SLC2A5: variants seen among roughly 807,000 people sequenced by gnomAD.
The protein encoded by SLC2A5 is solute carrier family 2, facilitated glucose transporter member 5.
A neutral mutation model predicts 50.3 loss-of-function variants in SLC2A5; 56 were observed. That is an observed-to-expected ratio of 1.11 (90% CI 0.90 to 1.39). SLC2A5 has a LOEUF of 1.39. SLC2A5 is among the 40% of genes most tolerant of loss of function. SLC2A5 has a pLI of 0.00. For synonymous variants in SLC2A5, 269 were observed against 281.9 expected, an observed-to-expected ratio of 0.95 and a Z score of 0.46; for missense variants, 566 against 650.1, an observed-to-expected ratio of 0.87 and a Z score of 1.41.
In SLC2A5 at chr1:9,037,173, A is replaced by G. The variant is rs1331720478; in HGVS notation, c.*413T>C. On this transcript the variant is annotated 3_prime_UTR_variant, in exon 12 of 12. Coordinates refer to ENST00000377424, the MANE Select transcript of SLC2A5 (RefSeq NM_003039.3). ...TCTAAACAAATGCCCATGGCCCCGG[A>G]AGACCTGTCGGGGCCACCAAGTTAG... The G allele has an allele frequency of 4.8e-6, 1 of 206,872 alleles. No homozygotes were observed. Among genetic ancestry groups the G allele is most frequent in the Non-Finnish European group, 9.8e-6 (1 of 101,524 alleles). 12.8% of individuals were successfully genotyped at this position (206,872 alleles called of 1,614,324 possible).
In SLC2A5 at chr1:9,075,880, C is replaced by T. The variant is rs189181756; in HGVS notation, c.-58-6286G>A. 3.4e-3 allele frequency among the ~76,000 whole-genome samples: 513 copies of T among 152,126 alleles called. 3 individuals are homozygous for T. Among genetic ancestry groups the T allele is most frequent in the African/African-American group, 0.012 (496 of 41,478 alleles). ...TTCACCATGTTGGTCAAGCTGGTCT[C>T]GAACTCCTGACCTGAGGTGATCCAC... On this transcript the variant is annotated intron_variant, in intron 2 of 5. Coordinates refer to the SLC2A5 transcript ENST00000464985.
intron 1 of SLC2A5, among the ~76,000 whole-genome samples, chr1:9,062,001 C>T (rs765357825): frequency 1.3e-5 from 2 of 152,184 alleles, no homozygotes; most frequent in Non-Finnish European, 2.9e-5. Context: ...TCACTGCCTC[C>T]CTGAATTCAA....
upstream of SLC2A5, among the ~76,000 whole-genome samples, chr1:9,070,699 T>C (rs1385793805): frequency 6.6e-6 from 1 of 152,146 alleles, no homozygotes; most frequent in African/African-American, 2.4e-5. Flanking sequence ...GTTACTTTAG[T>C]GATTGATTCT....
At chr1:9,081,633 G>C (rs1054822129) in intron 2 of SLC2A5, among the ~76,000 whole-genome samples, 8 of 152,090 alleles carry the variant, frequency 5.3e-5, no homozygotes, top group Non-Finnish European at 8.8e-5. Flanking sequence ...CACTTGAATA[G>C]ATTATTTTCT....
intron 9 of SLC2A5, 72 bp from the exon 10 acceptor site, chr1:9,038,578 G>C (rs1641201984): frequency 7.3e-7 from 1 of 1,372,616 alleles, no homozygotes; most frequent in Non-Finnish European, 1.0e-6. Flanking sequence ...CGGCCAACCT[G>C]CCCTGGTGGG....
intron 3 of SLC2A5, among the ~76,000 whole-genome samples, chr1:9,055,558 C>A (rs796472944): frequency 1.8e-4 from 27 of 151,548 alleles, no homozygotes; most frequent in African/African-American, 5.8e-4. Flanking sequence ...TGTAATAGTA[C>A]CTCTAAACAC....
chr1:9,051,043 T>C (rs1299661016), intron 3 of SLC2A5, among the ~76,000 whole-genome samples: 1 of 152,066 alleles, frequency 6.6e-6, no homozygotes, highest in Non-Finnish European at 1.5e-5. Context: ...AGTAGGTCAA[T>C]TCACAAAGAA....
At chr1:9,075,922 A>T (rs567049500) in intron 2 of SLC2A5, among the ~76,000 whole-genome samples, 1 of 151,544 alleles carries the variant, frequency 6.6e-6, no homozygotes, top group African/African-American at 2.4e-5. Context: ...CGGCCTCCCA[A>T]AGTGCTGGGA....
chr1:9,059,895 T>G (rs577099504), intron 1 of SLC2A5, among the ~76,000 whole-genome samples: 1 of 151,852 alleles, frequency 6.6e-6, no homozygotes, highest in East Asian at 1.9e-4. Flanking sequence ...CAATGATCAT[T>G]CCTGCCTTGT....
intron 2 of SLC2A5, chr1:9,082,986 T>A (rs1457818215): frequency 1.2e-5 from 2 of 170,340 alleles, no homozygotes. Context: ...AAGAAATAGA[T>A]GAAGTTATTC....
At chr1:9,082,430 T>A (rs1393460574) in intron 2 of SLC2A5, among the ~76,000 whole-genome samples, 1 of 152,044 alleles carries the variant, frequency 6.6e-6, no homozygotes, top group Non-Finnish European at 1.5e-5. Flanking sequence ...TAAGAAGAAA[T>A]GAGCCAGGCA....
At chr1:9,052,158 C>T (rs1017728325) in intron 3 of SLC2A5, among the ~76,000 whole-genome samples, 1 of 152,128 alleles carries the variant, frequency 6.6e-6, no homozygotes, top group Non-Finnish European at 1.5e-5. Context: ...GTGGCGTGCA[C>T]CTGTAGTCCC....
In SLC2A5 at chr1:9,039,890, CA is replaced by C; in HGVS notation, c.794del (p.Val265GlyfsTer2). On this transcript the variant is annotated frameshift_variant, in exon 7 of 12. Transcript: ENST00000377424. LOFTEE classifies it high-confidence loss of function. Reference protein sequence around the residue: ...EAEKAAGFISVLKLFRMRSLR... With the variant: ...EAEKAAGFISXLKLFRMRSLR... ...GCGAGCGCATCCGGAACAGCTTCAGCACGGAGATGAAGCCCGCGGCCTTCTC... is the reference window on the plus strand; with the variant it reads ...GCGAGCGCATCCGGAACAGCTTCAGCCGGAGATGAAGCCCGCGGCCTTCTC... 9.3e-6 allele frequency: 15 copies of C among 1,612,804 alleles called. No individual in the cohort carries two copies. Among genetic ancestry groups the C allele is most frequent in the Non-Finnish European group, 1.1e-5 (13 of 1,179,854 alleles).
intron 4 of SLC2A5, among the ~76,000 whole-genome samples, chr1:9,044,189 G>A (rs1641382498): frequency 6.6e-6 from 1 of 151,792 alleles, no homozygotes; most frequent in Non-Finnish European, 1.5e-5. Context: ...AAATTAGCTG[G>A]GCACGGTGGC....
At chr1:9,093,817 C>T in the SLC2A5 span, among the ~76,000 whole-genome samples, 1 of 152,136 alleles carries the variant, frequency 6.6e-6, no homozygotes, top group Admixed American at 6.5e-5. Flanking sequence ...CTTACACAGC[C>T]CTTCCTGCAC....
chr1:9,057,880 C>G (rs1014051283), intron 2 of SLC2A5, among the ~76,000 whole-genome samples: 4 of 152,154 alleles, frequency 2.6e-5, no homozygotes, highest in Admixed American at 6.5e-5. Flanking sequence ...TGGGAGACCC[C>G]TGGCCCCCCC....
In SLC2A5 at chr1:9,069,602, G is replaced by T; in HGVS notation, c.-66C>A. 1 of 1,571,576 alleles carries T rather than the reference G, an allele frequency of 6.4e-7. No homozygotes were observed. Among genetic ancestry groups the T allele is most frequent in the Non-Finnish European group, 8.7e-7 (1 of 1,143,202 alleles). On this transcript the variant is annotated 5_prime_UTR_variant, in exon 1 of 12. Coordinates refer to ENST00000377424, the MANE Select transcript of SLC2A5 (RefSeq NM_003039.3). ...GCCAAAGTAACGCGTGCACTGAATG[G>T]AGAGAGAAGACATTCTGGGTGCACT...
rs866694114 is a variant in SLC2A5, at chr1:9,078,430, G to A, written c.-59+6584C>T. On this transcript the variant is annotated intron_variant, in intron 2 of 5. Coordinates refer to the SLC2A5 transcript ENST00000464985. ...CTCGGTCCCTATTCAAGATGGAGTCGCTCTGGTTCCAATGCCTCTGACAGG... is the reference window on the plus strand; with the variant it reads ...CTCGGTCCCTATTCAAGATGGAGTCACTCTGGTTCCAATGCCTCTGACAGG... Among the ~76,000 whole-genome samples the A allele has an allele frequency of 4.6e-5, 7 of 152,214 alleles. No homozygotes were observed. In the South Asian group the frequency reaches 1.0e-3, roughly 23 times the overall value.
upstream of SLC2A5, among the ~76,000 whole-genome samples, chr1:9,088,823 A>G (rs1186882956): frequency 2.6e-5 from 4 of 152,090 alleles, no homozygotes; most frequent in African/African-American, 9.7e-5. Flanking sequence ...TACTTCAGCC[A>G]GTCAAGCCAC....
Sources: gnomAD v4.1 joint callset for allele counts (sites outside exome capture counted in the v4.1 genomes callset) on GRCh38, gnomAD v4.1.1 for gene constraint, MANE v1.5 for transcripts, NCBI Gene and HGNC (gene_info 2026-07-23, HGNC 2026-07-21) for gene names.